The following USP32 variants were observed in gnomAD, a reference collection of about 807,000 sequenced individuals.
USP32 encodes the protein ubiquitin specific peptidase 32.
USP32 carries 59 observed loss-of-function variants against 204.8 expected under a neutral mutation model. That is an observed-to-expected ratio of 0.29 (90% CI 0.23 to 0.36). The LOEUF is 0.36. Among genes scored for constraint, USP32 ranks in the 10% least tolerant of loss-of-function variants. The pLI is 1.00. For missense variants in USP32, 1,160 were observed against 1,946.4 expected (o/e 0.60, Z 7.60); for synonymous variants, 517 against 678.4 (o/e 0.76, Z 3.70).
Position 60,252,456 on chromosome 17 carries a change from T to G in USP32, c.1075-14A>C. ...TATGTGACACACCTAGGGAAAAAAA[T>G]GGTAAATCAAAGTTTATTAACTGCA... On this transcript the variant is annotated splice_polypyrimidine_tract_variant and intron_variant, in intron 10 of 33. Transcript: ENST00000300896. 1 of 1,601,014 alleles carries G rather than the reference T, an allele frequency of 6.2e-7. No homozygotes were observed. Among genetic ancestry groups the G allele is most frequent in the Non-Finnish European group, 8.5e-7 (1 of 1,173,600 alleles).
chr17:60,263,018 G>C (rs1005176677), intron 9 of USP32, among the ~76,000 whole-genome samples: 2 of 151,848 alleles, frequency 1.3e-5, no homozygotes, highest in Non-Finnish European at 2.9e-5. Flanking sequence ...GTGTAATCAT[G>C]GCACACTGCA....
intron 26 of USP32, among the ~76,000 whole-genome samples, chr17:60,202,391 TTG>T (rs1355803380): frequency 6.6e-6 from 1 of 152,080 alleles, no homozygotes; most frequent in Non-Finnish European, 1.5e-5. Flanking sequence ...CAAGAGTATC[TTG>T]GTTATTCCTG....
At chr17:60,260,573 T>C (rs974218704) in intron 9 of USP32, among the ~76,000 whole-genome samples, 13 of 151,682 alleles carry the variant, frequency 8.6e-5, no homozygotes, top group African/African-American at 3.1e-4. Flanking sequence ...TGGAATACTA[T>C]GCAGAGGATA....
In USP32 at chr17:60,392,114, C is replaced by A. The variant is rs916494594; in HGVS notation, c.-175G>T. 27 of 614,946 alleles carry A rather than the reference C, an allele frequency of 4.4e-5. No homozygotes were observed. In the African/African-American group the frequency reaches 5.2e-4, roughly 12 times the overall value. 38.1% of individuals were successfully genotyped at this position (614,946 alleles called of 1,614,324 possible). A position where few individuals can be genotyped will look rare whatever the true frequency, so the allele number is the denominator to read the frequency against. ...GGCGGCTCCTCCCGGTCGCCGCCAC[C>A]GCCTCCATGCCGGATCACGTGACTC... On this transcript the variant is annotated 5_prime_UTR_variant, in exon 1 of 34. Transcript: ENST00000300896.
At chr17:60,255,881 C>T (rs2086289855) in intron 9 of USP32, among the ~76,000 whole-genome samples, 1 of 152,104 alleles carries the variant, frequency 6.6e-6, no homozygotes, top group South Asian at 2.1e-4. Flanking sequence ...CATTATTTGT[C>T]CTCGCTTCCT....
rs747658578 is a variant in USP32, at chr17:60,223,590, TA to T, written c.1433-5del. The T allele has an allele frequency of 1.2e-3, 1,491 of 1,270,212 alleles. No individual in the cohort carries two copies. Among genetic ancestry groups the T allele is most frequent in the Admixed American group, 2.6e-3 (105 of 39,864 alleles). 78.7% of individuals were successfully genotyped at this position (1,270,212 alleles called of 1,614,324 possible). The stretch of plus-strand genomic sequence containing the variant: ...GGTGTGGCAGAATACAGAAAGCCTA[TA>T]AAAAAAAAAGAGGATAGAATCTCTT... On this transcript the variant is annotated splice_polypyrimidine_tract_variant and splice_region_variant and intron_variant, in intron 13 of 33. Coordinates refer to ENST00000300896, the MANE Select transcript of USP32 (RefSeq NM_032582.4).
chr17:60,421,172 A>G (rs1329322240), intron 1 of USP32: 1 of 184,910 alleles, frequency 5.4e-6, no homozygotes, highest in African/African-American at 2.4e-5. Flanking sequence ...TCGCAAAATA[A>G]TCTGGAATTA....
chr17:60,203,653 T>G (rs1424633226), intron 26 of USP32, among the ~76,000 whole-genome samples: 1 of 152,050 alleles, frequency 6.6e-6, no homozygotes, highest in Non-Finnish European at 1.5e-5. Context: ...CTCGGCTCAC[T>G]GCAACCTCCG....
At chr17:60,378,007 G>T (rs1421913245) in intron 1 of USP32, among the ~76,000 whole-genome samples, 2 of 152,142 alleles carry the variant, frequency 1.3e-5, no homozygotes, top group Non-Finnish European at 2.9e-5. Context: ...GTAACCCACA[G>T]AAATATTTGG....
rs139475411 is a variant in USP32, at chr17:60,311,721, A to G, written c.187-10017T>C. Among the ~76,000 whole-genome samples the G allele has an allele frequency of 2.2e-3, 334 of 152,312 alleles. 1 individual carries two copies. Among genetic ancestry groups the G allele is most frequent in the African/African-American group, 7.5e-3 (313 of 41,566 alleles). On this transcript the variant is annotated intron_variant, in intron 2 of 33. Coordinates refer to ENST00000300896, the MANE Select transcript of USP32 (RefSeq NM_032582.4). The stretch of plus-strand genomic sequence containing the variant: ...GCACTTGTAATCCCAGCTACTCAGG[A>G]GGCTGAGGCAGAAGAATCCCTTAAA...
chr17:60,267,646 G>A (rs763584308), intron 7 of USP32, among the ~76,000 whole-genome samples: 8 of 150,516 alleles, frequency 5.3e-5, no homozygotes, highest in Admixed American at 2.0e-4. Context: ...TCAGCCTCCC[G>A]AGTAGCTGGG....
intron 3 of USP32, among the ~76,000 whole-genome samples, chr17:60,295,272 G>A (rs1453050171): frequency 6.6e-6 from 1 of 150,944 alleles, no homozygotes; most frequent in Admixed American, 6.6e-5. Flanking sequence ...CTGTCAACAA[G>A]AGAACAGGTA....
rs1283955152 is a variant in USP32 at position 60,422,270 on chromosome 17, G to A, written c.82C>T (p.Gln28Ter). 5.0e-6 allele frequency: 2 copies of A among 399,044 alleles called. No homozygotes were observed. The highest frequency in any genetic ancestry group is 7.3e-5 in the East Asian group (1 of 13,778). 24.7% of individuals were successfully genotyped at this position (399,044 alleles called of 1,614,324 possible). The change falls in exon 1 of 4, where the codon CAG (glutamine) becomes TAG (stop). Residue 28 changes from glutamine to a stop codon, truncating the protein, a stop_gained. Transcript: ENST00000588898. LOFTEE classifies it high-confidence loss of function. ...CCAGGTGGTGTCAGGATCAGCATCT[G>A]ACAGTATTCTTGGGAGAAGGGGCGC...
chr17:60,313,604 T>C (rs1477786866), intron 2 of USP32, among the ~76,000 whole-genome samples: 1 of 151,912 alleles, frequency 6.6e-6, no homozygotes, highest in Non-Finnish European at 1.5e-5. Context: ...GAAAGCGGAA[T>C]AGTACCCAAA....
At chr17:60,265,035 C>A (rs1012383800) in intron 9 of USP32, among the ~76,000 whole-genome samples, 1 of 152,026 alleles carries the variant, frequency 6.6e-6, no homozygotes, top group Non-Finnish European at 1.5e-5. Flanking sequence ...CTGTGTTCTT[C>A]GACTTCATAT....
At position 60,213,636 on chromosome 17, in the gene USP32, C is replaced by T; in HGVS notation, c.2049G>A (p.Glu683=). Reference sequence around the variant, plus strand: ...TTTTCAAATATTCCAATTTATGATCCTCATCATCCAGAAGAGTAAGGTAGT... The same window carrying T: ...TTTTCAAATATTCCAATTTATGATCTTCATCATCCAGAAGAGTAAGGTAGT... The part of the protein sequence containing the change: ...SENYLTLLDD[E]DHKLEYLKIQ... Residue 683 remains glutamate (E), a synonymous_variant, in exon 18 of 34, where the codon GAG becomes GAA. Coordinates refer to ENST00000300896, the MANE Select transcript of USP32 (RefSeq NM_032582.4). The T allele has an allele frequency of 7.4e-7, 1 of 1,358,530 alleles. No homozygotes were observed. The highest frequency in any genetic ancestry group is 1.0e-6 in the Non-Finnish European group (1 of 1,004,974). 84.2% of individuals were successfully genotyped at this position (1,358,530 alleles called of 1,614,324 possible).
At chr17:60,234,923 T>C (rs2085681018) in intron 12 of USP32, among the ~76,000 whole-genome samples, 1 of 152,010 alleles carries the variant, frequency 6.6e-6, no homozygotes, top group Non-Finnish European at 1.5e-5. Flanking sequence ...TAGAAAATAA[T>C]ATCAAATGCC....
intron 2 of USP32, among the ~76,000 whole-genome samples, chr17:60,311,272 C>T (rs1350059916): frequency 6.6e-6 from 1 of 151,826 alleles, no homozygotes; most frequent in Non-Finnish European, 1.5e-5. Context: ...ATTATGCAAC[C>T]CTAAAGGAAA....
intron 1 of USP32, among the ~76,000 whole-genome samples, chr17:60,418,159 T>C (rs2090076989): frequency 6.6e-6 from 1 of 151,972 alleles, no homozygotes; most frequent in Admixed American, 6.6e-5. Flanking sequence ...GGTTTCTCCA[T>C]GTCAGTCAGG....
Sources: allele counts gnomAD v4.1 joint callset (sites outside exome capture counted in the v4.1 genomes callset), GRCh38; gene constraint gnomAD v4.1.1; transcripts MANE v1.5; gene names NCBI Gene and HGNC (gene_info 2026-07-23, HGNC 2026-07-21).